The following VRK2 variants were observed in gnomAD, a reference collection of about 807,000 sequenced individuals.
VRK2 encodes VRK serine/threonine kinase 2, also known as serine/threonine-protein kinase VRK2.
A neutral mutation model predicts 57.6 loss-of-function variants in VRK2; 60 were observed. The ratio of observed to expected loss-of-function variants is 1.04; its 90% CI spans 0.85 to 1.29. The LOEUF is 1.29. VRK2 is among the 50% of genes most tolerant of loss of function. The probability of loss-of-function intolerance (pLI) is 0.00; values close to 1 mark genes in which losing one functional copy is unlikely to be tolerated. For synonymous variants in VRK2, 231 were observed against 199.2 expected (o/e 1.16, Z -1.35); for missense variants, 705 against 588.1 (o/e 1.20, Z -2.06).
At chr2:58,020,588 A>G (rs563572702) in intron 1 of VRK2, among the ~76,000 whole-genome samples, 1 of 152,368 alleles carries the variant, frequency 6.6e-6, no homozygotes, top group African/African-American at 2.4e-5. Context: ...TACATGTTCT[A>G]TGTAAGTGTA....
At chr2:57,998,911 G>A (rs1001284828) in intron 1 of VRK2, among the ~76,000 whole-genome samples, 15 of 152,202 alleles carry the variant, frequency 9.9e-5, no homozygotes, top group African/African-American at 3.1e-4. Flanking sequence ...TCTGAAGTCA[G>A]TATGGATAGT....
intron 11 of VRK2, among the ~76,000 whole-genome samples, chr2:58,140,291 G>T (rs1681138855): frequency 6.6e-6 from 1 of 151,946 alleles, no homozygotes; most frequent in Non-Finnish European, 1.5e-5. Flanking sequence ...AAGAGTTTAT[G>T]CCAGAGATCT....
In VRK2 at chr2:58,046,883, C is replaced by T. The variant is rs111645723; in HGVS notation, c.-6+15C>T. ...CCTGAGGCCCGGTCAGTCTCTTGCT[C>T]TGGGGTCTTGGGTGGCGGGCGGCAC... On this transcript the variant is annotated intron_variant, in intron 1 of 12. Transcript: ENST00000340157. The T allele has an allele frequency of 1.6e-5, 16 of 985,382 alleles. No individual in the cohort carries two copies. The African/African-American group carries it at 2.3e-4, about 14-fold the overall frequency. 61.0% of individuals were successfully genotyped at this position (985,382 alleles called of 1,614,324 possible).
chr2:58,046,700 C>T (rs562359188), upstream of VRK2: 96 of 985,452 alleles, frequency 9.7e-5, no homozygotes, highest in Non-Finnish European at 1.1e-4. Context: ...CGGGCCGCTG[C>T]ACTGCGAGGC....
chr2:58,093,032 A>G (rs1672599509), intron 7 of VRK2, among the ~76,000 whole-genome samples: 1 of 152,162 alleles, frequency 6.6e-6, no homozygotes, highest in Admixed American at 6.5e-5. Flanking sequence ...CATGGTATAT[A>G]TGTGCCACAT....
At chr2:58,126,596 A>G (rs1348667404) in intron 8 of VRK2, among the ~76,000 whole-genome samples, 2 of 152,156 alleles carry the variant, frequency 1.3e-5, no homozygotes, top group Non-Finnish European at 2.9e-5. Context: ...ACTCCTGTAC[A>G]TCTGCATATC....
chr2:58,108,518 CT>C (rs1037824097), intron 7 of VRK2, among the ~76,000 whole-genome samples: 43 of 151,618 alleles, frequency 2.8e-4, no homozygotes, highest in African/African-American at 9.7e-4. Context: ...TTCTTTCTTT[CT>C]TTTTTTTTCC....
At chr2:57,987,552 G>A (rs554356354) in intron 1 of VRK2, among the ~76,000 whole-genome samples, 2 of 152,072 alleles carry the variant, frequency 1.3e-5, no homozygotes, top group Non-Finnish European at 2.9e-5. Context: ...TACATTATTG[G>A]TGGGAATGCA....
At chr2:58,073,530 GAATTGACCCCTTTATTATTATTT>G (rs1285969894) in intron 2 of VRK2, among the ~76,000 whole-genome samples, 10 of 151,500 alleles carry the variant, frequency 6.6e-5, no homozygotes, top group African/African-American at 2.4e-4. Flanking sequence ...TCTTCCTGAA[GAATTGACCCCTTTATTATTATTT>G]AATATCCCTC....
At chr2:58,011,763 T>C (rs749730867) in intron 1 of VRK2, among the ~76,000 whole-genome samples, 7 of 152,236 alleles carry the variant, frequency 4.6e-5, no homozygotes, top group Non-Finnish European at 1.0e-4. Context: ...ATTATAATGG[T>C]TGAAATCTAG....
intron 7 of VRK2, among the ~76,000 whole-genome samples, chr2:58,111,981 A>C (rs1305075672): frequency 1.3e-5 from 2 of 152,156 alleles, no homozygotes; most frequent in Non-Finnish European, 2.9e-5. Context: ...AAAATGTAAA[A>C]ATTATTCTTA....
intron 10 of VRK2, among the ~76,000 whole-genome samples, chr2:58,137,251 G>GATACATATATATC (rs145492171): frequency 3.9e-5 from 3 of 77,360 alleles, no homozygotes; most frequent in Non-Finnish European, 5.7e-5. Context: ...TCATATATAT[G>GATACATATATATC]ATATATATGA....
At chr2:58,013,013 G>A (rs914652687) in intron 1 of VRK2, among the ~76,000 whole-genome samples, 1 of 152,122 alleles carries the variant, frequency 6.6e-6, no homozygotes, top group South Asian at 2.1e-4. Flanking sequence ...GGCTTGTAAA[G>A]AAGAATTACC....
At chr2:57,910,229 A>C (rs1187533085) in intron 1 of VRK2, among the ~76,000 whole-genome samples, 1 of 152,174 alleles carries the variant, frequency 6.6e-6, no homozygotes, top group Admixed American at 6.5e-5. Context: ...GCTCCAGATA[A>C]ATCCCTTTCT....
At chr2:57,996,434 G>C (rs1672925031) in intron 1 of VRK2, among the ~76,000 whole-genome samples, 1 of 152,192 alleles carries the variant, frequency 6.6e-6, no homozygotes, top group Non-Finnish European at 1.5e-5. Flanking sequence ...TCTCTGACCA[G>C]AGCCAAGGGC....
intron 3 of VRK2, among the ~76,000 whole-genome samples, chr2:58,037,681 A>G (rs1026852692): frequency 1.1e-4 from 16 of 152,126 alleles, no homozygotes; most frequent in Admixed American, 1.0e-3. Flanking sequence ...TTACTATGCT[A>G]GGTTCTTTGC....
intron 1 of VRK2, among the ~76,000 whole-genome samples, chr2:57,971,277 A>G (rs1186393852): frequency 6.6e-6 from 1 of 152,020 alleles, no homozygotes; most frequent in African/African-American, 2.4e-5. Flanking sequence ...GCAGTAAATG[A>G]CAGCACATGT....
chr2:58,080,458 C>A (rs72618692), intron 2 of VRK2, among the ~76,000 whole-genome samples: 2 of 151,776 alleles, frequency 1.3e-5, no homozygotes, highest in South Asian at 4.1e-4. Flanking sequence ...GTATTAAAAT[C>A]TTTCACTATT....
chr2:57,963,751 T>C (rs1671828449), intron 1 of VRK2, among the ~76,000 whole-genome samples: 2 of 152,238 alleles, frequency 1.3e-5, no homozygotes, highest in African/African-American at 2.4e-5. Flanking sequence ...TAGTTTCTTT[T>C]TATAACCAAT....
Sources: allele counts gnomAD v4.1 joint callset (sites outside exome capture counted in the v4.1 genomes callset), GRCh38; gene constraint gnomAD v4.1.1; transcripts MANE v1.5; gene names NCBI Gene and HGNC (gene_info 2026-07-23, HGNC 2026-07-21).